Variants in MUSK observed in about 807,000 individuals in gnomAD.
MUSK encodes the protein muscle, skeletal receptor tyrosine-protein kinase.
In MUSK, 55 loss-of-function variants were observed where a neutral mutation model predicts 88.7. The ratio of observed to expected loss-of-function variants is 0.62; its 90% CI spans 0.50 to 0.78. The LOEUF (loss-of-function observed/expected upper bound fraction) is 0.78. Ranked by LOEUF, MUSK falls within the 30% of genes least tolerant of loss-of-function variation. The pLI is 0.00. For synonymous variants in MUSK, 387 were observed against 391.9 expected (o/e 0.99, Z 0.15); for missense variants, 1,015 against 1,074.3 (o/e 0.94, Z 0.77).
intron 11 of MUSK, among the ~76,000 whole-genome samples, chr9:110,779,312 T>G (rs1389861756): frequency 1.3e-5 from 2 of 152,140 alleles, no homozygotes; most frequent in Admixed American, 1.3e-4. Flanking sequence ...ATACATTAAT[T>G]ATTTCAACAA....
chr9:110,700,576 A>G (rs796214539), intron 5 of MUSK, among the ~76,000 whole-genome samples: 16 of 152,152 alleles, frequency 1.1e-4, no homozygotes, highest in Admixed American at 9.8e-4. Flanking sequence ...AGCTGGAGCT[A>G]TGTTTGGTGT....
At chr9:110,706,034 T>A (rs1277408367) in intron 5 of MUSK, 1 of 489,218 alleles carries the variant, frequency 2.0e-6, no homozygotes, top group Non-Finnish European at 4.2e-6. Flanking sequence ...AGTTTCTTTG[T>A]TGCACATTTT....
intron 5 of MUSK, among the ~76,000 whole-genome samples, chr9:110,725,813 A>T (rs998455854): frequency 2.0e-5 from 3 of 152,086 alleles, no homozygotes; most frequent in Admixed American, 2.0e-4. Context: ...CATATAAAGC[A>T]GTTAAATAAA....
At position 110,712,159 on chromosome 9, in the gene MUSK, GAA is replaced by G. The variant is rs35254603; in HGVS notation, c.628+14708_628+14709del. 4.6e-3 allele frequency among the ~76,000 whole-genome samples: 656 copies of G among 141,850 alleles called. 2 individuals are homozygous for G. Among genetic ancestry groups the G allele is most frequent in the African/African-American group, 0.012 (439 of 37,544 alleles). 93.1% of individuals were successfully genotyped at this position (141,850 alleles called of 152,430 possible). A position where few individuals can be genotyped will look rare whatever the true frequency, so the allele number is the denominator to read the frequency against. ...AAAACCTTTAACTCATGTTTATTCT[GAA>G]AAAAAAAAAAAAAATCAGTGCCTGG... On this transcript the variant is annotated intron_variant, in intron 5 of 14. Transcript: ENST00000374448.
At chr9:110,669,322 A>G (rs567417429) in intron 1 of MUSK, among the ~76,000 whole-genome samples, 3 of 152,302 alleles carry the variant, frequency 2.0e-5, no homozygotes, top group East Asian at 3.9e-4. Context: ...TAAGTGGATG[A>G]TGACAACCTT....
rs143694522 is a variant in MUSK at position 110,722,414 on chromosome 9, C to A, written c.629-11837C>A. ...GTGTGGTGGTACGTGCCTGTAGTCT[C>A]AGCTGCCCTGGAGGCTGAGGCAGAG... On this transcript the variant is annotated intron_variant, in intron 5 of 14. Coordinates refer to ENST00000374448, the MANE Select transcript of MUSK (RefSeq NM_005592.4). Among the ~76,000 whole-genome samples, 413 of 152,060 alleles carry A rather than the reference C, an allele frequency of 2.7e-3. 2 individuals carry two copies. The highest frequency in any genetic ancestry group is 9.7e-3 in the African/African-American group (402 of 41,520).
At chr9:110,708,477 A>G (rs1169002844) in intron 5 of MUSK, among the ~76,000 whole-genome samples, 1 of 152,164 alleles carries the variant, frequency 6.6e-6, no homozygotes, top group Non-Finnish European at 1.5e-5. Context: ...ATTTGCTGTC[A>G]TGAGTACATT....
chr9:110,787,740 T>C lies in MUSK; in HGVS notation c.1829T>C (p.Met610Thr). ...CCTTTCACTATGGTGGCAGTAAAGA[T>C]GCTCAAAGAAGAAGCCTCGGCAGAT... is the stretch of plus-strand genomic sequence containing the variant. ...YEPFTMVAVK[M>T]LKEEASADMQ... The change falls in exon 14 of 15, where the codon ATG becomes ACG. Residue 610 changes from methionine to threonine, a missense_variant. Met to Thr is a moderately conservative substitution (Grantham distance 81, BLOSUM62 -1). Coordinates refer to ENST00000374448, the MANE Select transcript of MUSK (RefSeq NM_005592.4). 1 of 1,613,986 alleles carries C rather than the reference T, an allele frequency of 6.2e-7. No individual in the cohort carries two copies. Among genetic ancestry groups the C allele is most frequent in the Non-Finnish European group, 8.5e-7 (1 of 1,179,876 alleles).
chr9:110,690,323 T>C (rs1321607895), intron 3 of MUSK, among the ~76,000 whole-genome samples: 1 of 98,120 alleles, frequency 1.0e-5, no homozygotes, highest in Non-Finnish European at 1.8e-5. Context: ...TATAGAAATA[T>C]ATATTTAAAT....
At chr9:110,785,887 T>C (rs2077849904) in intron 13 of MUSK, among the ~76,000 whole-genome samples, 169 bp downstream of exon 13, 2 of 147,368 alleles carry the variant, frequency 1.4e-5, no homozygotes, top group Admixed American at 1.4e-4. Flanking sequence ...ACACTGTGTG[T>C]GTATATATAT....
At chr9:110,690,275 A>ATAAAT (rs1564219674) in intron 3 of MUSK, among the ~76,000 whole-genome samples, 2 of 86,062 alleles carry the variant, frequency 2.3e-5, no homozygotes, top group African/African-American at 1.2e-4. Context: ...TTTAAGTACA[A>ATAAAT]ATATATAAAT....
chr9:110,697,216 G>T, intron 4 of MUSK, 109 bp from the exon 5 acceptor site: 1 of 1,163,274 alleles, frequency 8.6e-7, no homozygotes, highest in Non-Finnish European at 1.2e-6. Flanking sequence ...AGGTCAAAGC[G>T]ATATCTTTGA....
intron 9 of MUSK, among the ~76,000 whole-genome samples, chr9:110,772,932 G>A (rs1456607386): frequency 2.6e-5 from 4 of 152,010 alleles, no homozygotes; most frequent in Non-Finnish European, 4.4e-5. Context: ...ATTTTTAAAA[G>A]CGTGCTATCA....
chr9:110,762,366 T>A (rs1236199803), intron 8 of MUSK, among the ~76,000 whole-genome samples, 158 bp downstream of exon 8: 1 of 152,212 alleles, frequency 6.6e-6, no homozygotes, highest in East Asian at 1.9e-4. Flanking sequence ...ATTGAGTGTT[T>A]ACTATTTGCT....
intron 7 of MUSK, among the ~76,000 whole-genome samples, chr9:110,758,835 G>A (rs10980556): frequency 0.19 from 28,947 of 152,010 alleles, 2,864 homozygotes; most frequent in East Asian, 0.29. Flanking sequence ...AATAAATACC[G>A]AGGAATACAG....
chr9:110,785,436 T>G, intron 12 of MUSK, 91 bp from the exon 13 acceptor site: 1 of 1,133,740 alleles, frequency 8.8e-7, no homozygotes, highest in Non-Finnish European at 1.2e-6. Flanking sequence ...TTCATTACTC[T>G]TAAATGCCAT....
chr9:110,702,525 A>C (rs1201208611), intron 5 of MUSK, among the ~76,000 whole-genome samples: 1 of 152,138 alleles, frequency 6.6e-6, no homozygotes, highest in Admixed American at 6.6e-5. Flanking sequence ...GTGAATATTC[A>C]ACACTCAGGA....
At chr9:110,729,978 A>C (rs2076942193) in intron 5 of MUSK, among the ~76,000 whole-genome samples, 1 of 152,090 alleles carries the variant, frequency 6.6e-6, no homozygotes, top group South Asian at 2.1e-4. Flanking sequence ...TTAAGATGAC[A>C]ATCAATAATA....
At chr9:110,689,667 AGTAT>A in intron 3 of MUSK, among the ~76,000 whole-genome samples, 1 of 49,638 alleles carries the variant, frequency 2.0e-5, no homozygotes, top group East Asian at 3.3e-4. Flanking sequence ...TAATATACAT[AGTAT>A]ATTATATATA....
Sources: allele counts gnomAD v4.1 joint callset (sites outside exome capture counted in the v4.1 genomes callset), GRCh38; gene constraint gnomAD v4.1.1; transcripts MANE v1.5; gene names NCBI Gene and HGNC (gene_info 2026-07-23, HGNC 2026-07-21).